PCDH15: variants seen among roughly 807,000 people sequenced by gnomAD.
The protein encoded by PCDH15 is protocadherin-15.
PCDH15 carries 129 observed loss-of-function variants against 178.5 expected under a neutral mutation model. The ratio of observed to expected loss-of-function variants is 0.72; its 90% CI spans 0.63 to 0.84. The LOEUF (loss-of-function observed/expected upper bound fraction) is 0.84. Among genes scored for constraint, PCDH15 ranks in the 40% least tolerant of loss-of-function variants. The pLI is 0.00. For synonymous variants in PCDH15, 800 were observed against 732.0 expected (o/e 1.09, Z -1.50); for missense variants, 2,230 against 2,099.9 (o/e 1.06, Z -1.21).
At chr10:54,497,855 G>C (rs374512877) in intron 3 of PCDH15, among the ~76,000 whole-genome samples, 20 of 152,086 alleles carry the variant, frequency 1.3e-4, no homozygotes, top group African/African-American at 4.8e-4. Flanking sequence ...AGAGTTGGAG[G>C]GAGAGCAAAA....
chr10:54,741,651 G>C (rs1944821388), intron 1 of PCDH15, among the ~76,000 whole-genome samples: 1 of 152,024 alleles, frequency 6.6e-6, no homozygotes. Flanking sequence ...CTGTAGGCTT[G>C]AGGCAGAATC....
chr10:54,951,156 C>A (rs1838327976), intron 2 of PCDH15, among the ~76,000 whole-genome samples: 1 of 151,734 alleles, frequency 6.6e-6, no homozygotes, highest in Non-Finnish European at 1.5e-5. Flanking sequence ...TGACATGTGT[C>A]CACCAGTACA....
At chr10:55,406,454 A>G (rs1838199613) in intron 2 of PCDH15, among the ~76,000 whole-genome samples, 1 of 152,094 alleles carries the variant, frequency 6.6e-6, no homozygotes, top group Non-Finnish European at 1.5e-5. Context: ...ATTTTGAGAG[A>G]TTTCATAATG....
intron 1 of PCDH15, among the ~76,000 whole-genome samples, chr10:55,188,819 A>C (rs1839869339): frequency 1.3e-5 from 2 of 151,796 alleles, no homozygotes; most frequent in South Asian, 4.1e-4. Context: ...TTTCAATGTA[A>C]ATATTTCCCC....
Position 54,012,661 on chromosome 10 carries a change from A to C in PCDH15, c.2751+7531T>G, listed in dbSNP as rs183140505. Among the ~76,000 whole-genome samples the C allele has an allele frequency of 4.3e-4, 65 of 152,304 alleles. No individual in the cohort carries two copies. In the East Asian group the frequency reaches 0.011, roughly 25 times the overall value. Reference sequence around the variant, plus strand: ...ATGTTCAGCATTCTTAAATAAAAGAATTTCAACCCAAGAATTTCATGTCCA... The same window carrying C: ...ATGTTCAGCATTCTTAAATAAAAGACTTTCAACCCAAGAATTTCATGTCCA... On this transcript the variant is annotated intron_variant, in intron 20 of 37. Coordinates refer to ENST00000644397, the MANE Select transcript of PCDH15 (RefSeq NM_001384140.1).
At chr10:54,097,741 AT>A (rs2094726180) in intron 15 of PCDH15, among the ~76,000 whole-genome samples, 1 of 152,190 alleles carries the variant, frequency 6.6e-6, no homozygotes, top group African/African-American at 2.4e-5. Context: ...TTACATTATA[AT>A]GAGAAAAATG....
rs55733914 is a variant in PCDH15, at chr10:54,527,614, T to C, written c.157+198A>G. Among the ~76,000 whole-genome samples the C allele has an allele frequency of 1.2e-4, 19 of 152,194 alleles. No homozygotes were observed. In the East Asian group the frequency reaches 3.7e-3, roughly 29 times the overall value. On this transcript the variant is annotated intron_variant, in intron 3 of 37. Transcript: ENST00000644397. ...AAACTAAATATTTATATTAATTGAA[T>C]GAGACTTTTATAAATTATTCCAAGT...
chr10:55,379,604 C>T (rs1284762345), intron 2 of PCDH15, among the ~76,000 whole-genome samples: 3 of 152,138 alleles, frequency 2.0e-5, no homozygotes, highest in South Asian at 4.1e-4. Context: ...CCCAAGGCTA[C>T]AGCTAAATAC....
intron 15 of PCDH15, among the ~76,000 whole-genome samples, chr10:54,122,333 TC>T (rs1397559535): frequency 6.6e-6 from 1 of 151,758 alleles, no homozygotes; most frequent in Non-Finnish European, 1.5e-5. Flanking sequence ...CATGGTAAAA[TC>T]CCTCAAGAAA....
intron 3 of PCDH15, among the ~76,000 whole-genome samples, chr10:54,855,295 G>A (rs1303015379): frequency 6.6e-6 from 1 of 152,168 alleles, no homozygotes; most frequent in Non-Finnish European, 1.5e-5. Flanking sequence ...ATCTGCAGCT[G>A]CATCCAGGAG....
intron 14 of PCDH15, among the ~76,000 whole-genome samples, chr10:54,152,108 A>C (rs570504591): frequency 3.7e-4 from 57 of 152,348 alleles, no homozygotes; most frequent in Admixed American, 6.5e-4. Context: ...TTTGACTGGA[A>C]AGAACTATGG....
chr10:55,602,165 C>T (rs1167610634), intron 2 of PCDH15, among the ~76,000 whole-genome samples: 6 of 152,162 alleles, frequency 3.9e-5, no homozygotes, highest in Admixed American at 3.9e-4. Context: ...CACCCGAATA[C>T]TGCGCTTTTC....
intron 23 of PCDH15, among the ~76,000 whole-genome samples, chr10:53,952,024 C>G (rs2610916): frequency 0.014 from 2,175 of 152,290 alleles, 49 homozygotes; most frequent in African/African-American, 0.049. Flanking sequence ...ATGAGGAGAA[C>G]GTGGTGGCAC....
At chr10:55,222,822 A>C (rs1170190013) in intron 1 of PCDH15, among the ~76,000 whole-genome samples, 2 of 149,480 alleles carry the variant, frequency 1.3e-5, no homozygotes, top group Non-Finnish European at 3.0e-5. Context: ...ATGGTGATTT[A>C]AGTGAGAAAT....
chr10:54,271,361 C>G (rs964444515), intron 8 of PCDH15, among the ~76,000 whole-genome samples: 1 of 151,968 alleles, frequency 6.6e-6, no homozygotes, highest in Non-Finnish European at 1.5e-5. Context: ...TAAGCAGGAG[C>G]CCCCACGCCC....
intron 2 of PCDH15, chr10:55,513,180 T>C (rs1289591718): frequency 6.6e-6 from 1 of 152,152 alleles, no homozygotes; most frequent in Non-Finnish European, 1.5e-5. Context: ...CATAGAAATA[T>C]TGTAAGAAAC....
At chr10:55,042,415 G>C (rs563982739) in intron 2 of PCDH15, among the ~76,000 whole-genome samples, 5 of 151,978 alleles carry the variant, frequency 3.3e-5, no homozygotes, top group Admixed American at 6.6e-5. Flanking sequence ...TTGGAGAGGA[G>C]ATGAAGTATA....
chr10:55,346,814 C>A (rs115375844), intron 2 of PCDH15, among the ~76,000 whole-genome samples: 1 of 151,758 alleles, frequency 6.6e-6, no homozygotes, highest in East Asian at 1.9e-4. Flanking sequence ...TGGCTGCTCA[C>A]GGTTCCTGTG....
intron 2 of PCDH15, among the ~76,000 whole-genome samples, chr10:54,577,855 TAAATAAATAA>T (rs1334134854): frequency 3.1e-4 from 2 of 6,426 alleles, no homozygotes; most frequent in Admixed American, 2.5e-3. Flanking sequence ...AATAAATGAA[TAAATAAATAA>T]ATAAATAAAT....
Sources: gnomAD v4.1 joint callset for allele counts (sites outside exome capture counted in the v4.1 genomes callset) on GRCh38, gnomAD v4.1.1 for gene constraint, MANE v1.5 for transcripts, NCBI Gene and HGNC (gene_info 2026-07-23, HGNC 2026-07-21) for gene names.